The following MACC1 variants were observed in gnomAD, a reference collection of about 807,000 sequenced individuals.
MACC1 encodes the protein metastasis-associated in colon cancer protein 1.
A neutral mutation model predicts 70.7 loss-of-function variants in MACC1; 79 were observed. The ratio of observed to expected loss-of-function variants is 1.12; its 90% CI spans 0.93 to 1.35. MACC1 has a LOEUF of 1.35. Among genes scored for constraint, MACC1 ranks in the 40% most tolerant of loss-of-function variants. The probability of loss-of-function intolerance (pLI) is 0.00; values close to 1 mark genes in which losing one functional copy is unlikely to be tolerated. For synonymous variants in MACC1, 361 were observed against 347.2 expected (o/e 1.04, Z -0.44); for missense variants, 1,106 against 978.1 (o/e 1.13, Z -1.74).
At chr7:20,201,780 T>C (rs1266562081) in intron 1 of MACC1, among the ~76,000 whole-genome samples, 1 of 151,890 alleles carries the variant, frequency 6.6e-6, no homozygotes, top group Non-Finnish European at 1.5e-5. Context: ...GGATTATAAA[T>C]TACCCTTTTG....
intron 6 of MACC1, 94 bp from the exon 7 acceptor site, chr7:20,141,252 T>A: frequency 1.2e-6 from 1 of 828,748 alleles, no homozygotes; most frequent in Non-Finnish European, 1.8e-6. Context: ...TCTTAAGATT[T>A]AAGATAAAAC....
At chr7:20,214,887 T>A (rs922827717) in intron 1 of MACC1, among the ~76,000 whole-genome samples, 5 of 152,180 alleles carry the variant, frequency 3.3e-5, no homozygotes, top group African/African-American at 1.2e-4. Flanking sequence ...GATACTTTCA[T>A]GACCTTTTCC....
intron 6 of MACC1, among the ~76,000 whole-genome samples, chr7:20,150,121 A>G (rs1781953489): frequency 6.6e-6 from 1 of 152,224 alleles, no homozygotes; most frequent in African/African-American, 2.4e-5. Flanking sequence ...TAACATTGTC[A>G]TCTAGTCCTA....
chr7:20,211,610 C>T (rs1316283001), intron 1 of MACC1, among the ~76,000 whole-genome samples: 1 of 152,118 alleles, frequency 6.6e-6, no homozygotes, highest in Non-Finnish European at 1.5e-5. Flanking sequence ...TTGATTAGAA[C>T]ATTTGAGATA....
intron 3 of MACC1, 84 bp from the exon 4 acceptor site, chr7:20,161,954 T>G: frequency 1.2e-6 from 1 of 803,238 alleles, no homozygotes; most frequent in Non-Finnish European, 2.1e-6. Flanking sequence ...ATCATACGTA[T>G]TTCTATAAAG....
rs1338548477 is a variant in MACC1, at chr7:20,137,779, A to G, written c.*3167T>C. The G allele has an allele frequency of 6.6e-6, 1 of 152,236 alleles. No homozygotes were observed. Among genetic ancestry groups the G allele is most frequent in the Non-Finnish European group, 1.5e-5 (1 of 68,044 alleles). The allele number at this position is 152,236 out of a possible 1,614,324, so 9.4% of individuals were successfully genotyped here. A position where few individuals can be genotyped will look rare whatever the true frequency, so the allele number is the denominator to read the frequency against. On this transcript the variant is annotated 3_prime_UTR_variant, in exon 7 of 7. Coordinates refer to ENST00000400331, the MANE Select transcript of MACC1 (RefSeq NM_182762.4). The stretch of plus-strand genomic sequence containing the variant: ...AATCCATTATAGCAAGAAAAAATAT[A>G]AAGTTCAGAAAAGTAGAAACTATTT...
intron 1 of MACC1, among the ~76,000 whole-genome samples, chr7:20,177,331 C>T (rs892423279): frequency 2.0e-5 from 3 of 152,108 alleles, no homozygotes; most frequent in Admixed American, 1.3e-4. Context: ...CAAATACACT[C>T]TATTCTTGTA....
rs558523381 is a variant in MACC1 at position 20,208,294 on chromosome 7, G to A, written c.-218+9005C>T. ...ACTTTGAAACTGGGTAACAGGCAGAGGTTGGAACAGTTTTGAGGGCTCAGA... is the reference window on the plus strand; with the variant it reads ...ACTTTGAAACTGGGTAACAGGCAGAAGTTGGAACAGTTTTGAGGGCTCAGA... On this transcript the variant is annotated intron_variant, in intron 1 of 6. Coordinates refer to ENST00000400331, the MANE Select transcript of MACC1 (RefSeq NM_182762.4). Among the ~76,000 whole-genome samples, 16 of 152,210 alleles carry A rather than the reference G, an allele frequency of 1.1e-4. 1 individual carries two copies. The highest frequency in any genetic ancestry group is 3.9e-4 in the Admixed American group (6 of 15,290).
chr7:20,212,551 G>C (rs1331609927), intron 1 of MACC1, among the ~76,000 whole-genome samples: 2 of 152,138 alleles, frequency 1.3e-5, no homozygotes, highest in Non-Finnish European at 2.9e-5. Context: ...AGTGGGGCAG[G>C]AGGAAAAGCG....
intron 6 of MACC1, among the ~76,000 whole-genome samples, chr7:20,143,659 G>T (rs911817796): frequency 1.3e-5 from 2 of 151,708 alleles, no homozygotes; most frequent in Non-Finnish European, 1.5e-5. Flanking sequence ...AAAGTGCTGG[G>T]ATTACAGGCA....
At chr7:20,211,169 C>A (rs928558605) in intron 1 of MACC1, among the ~76,000 whole-genome samples, 1 of 152,122 alleles carries the variant, frequency 6.6e-6, no homozygotes, top group Non-Finnish European at 1.5e-5. Context: ...AATAGACTAA[C>A]AATCTCTATT....
chr7:20,181,170 G>T (rs1218770021), intron 1 of MACC1, among the ~76,000 whole-genome samples: 2 of 151,646 alleles, frequency 1.3e-5, no homozygotes. Flanking sequence ...AAAGAAATAG[G>T]ACTGCCAGCT....
chr7:20,196,172 G>GT (rs535198854), intron 1 of MACC1, among the ~76,000 whole-genome samples: 14 of 151,544 alleles, frequency 9.2e-5, no homozygotes, highest in Non-Finnish European at 1.5e-4. Flanking sequence ...TAATTTTCAG[G>GT]TTTTTTTTAA....
At position 20,160,232 on chromosome 7, in the gene MACC1, TG is replaced by T. The variant is rs761257821; in HGVS notation, c.128del (p.Pro43GlnfsTer39). The T allele has an allele frequency of 8.9e-5, 140 of 1,565,044 alleles. 1 individual carries two copies. Among genetic ancestry groups the T allele is most frequent in the Admixed American group, 2.0e-5 (1 of 49,348 alleles). On this transcript the variant is annotated frameshift_variant, in exon 5 of 7. Transcript: ENST00000400331. LOFTEE classifies it high-confidence loss of function. ...KSCNITECQD[P>X]DLLHNWPDAF... ...CATCCGGCCAATTGTGAAGCAAGTC[TG>T]GGTCCTGGCATTCTTGTTATTTAAG...
At chr7:20,162,754 A>G (rs779561839) in intron 3 of MACC1, among the ~76,000 whole-genome samples, 4 of 152,190 alleles carry the variant, frequency 2.6e-5, no homozygotes, top group East Asian at 1.9e-4. Context: ...ATTGATCACT[A>G]TCTCATCCTG....
intron 2 of MACC1, among the ~76,000 whole-genome samples, chr7:20,166,622 C>G (rs1425047689): frequency 2.6e-5 from 4 of 152,208 alleles, no homozygotes; most frequent in Admixed American, 6.5e-5. Context: ...TCAGCAGTTA[C>G]TTTTCCCCAA....
chr7:20,172,230 G>C (rs1782319150), intron 1 of MACC1, among the ~76,000 whole-genome samples: 1 of 152,162 alleles, frequency 6.6e-6, no homozygotes, highest in African/African-American at 2.4e-5. Flanking sequence ...TGAACATACG[G>C]GTTACAAGCA....
intron 4 of MACC1, among the ~76,000 whole-genome samples, chr7:20,161,291 T>C (rs985981378): frequency 1.3e-5 from 2 of 152,098 alleles, no homozygotes; most frequent in Non-Finnish European, 2.9e-5. Flanking sequence ...ATTACCTTAA[T>C]TGAAATGTTT....
chr7:20,201,546 G>T (rs147547456), intron 1 of MACC1, among the ~76,000 whole-genome samples: 15 of 152,270 alleles, frequency 9.9e-5, no homozygotes, highest in African/African-American at 3.1e-4. Flanking sequence ...AACACAGACT[G>T]AGGAACTTGA....
Sources: gnomAD v4.1 joint callset for allele counts (sites outside exome capture counted in the v4.1 genomes callset) on GRCh38, gnomAD v4.1.1 for gene constraint, MANE v1.5 for transcripts, NCBI Gene and HGNC (gene_info 2026-07-23, HGNC 2026-07-21) for gene names.